CIB2: variants seen among roughly 807,000 people sequenced by gnomAD.
The protein encoded by CIB2 is calcium and integrin binding family member 2, also known as calcium and integrin-binding family member 2.
CIB2 carries 19 observed loss-of-function variants against 23.1 expected under a neutral mutation model. The observed-to-expected ratio is 0.82, with a 90% confidence interval of 0.57 to 1.21. CIB2 has a LOEUF of 1.21. Among genes scored for constraint, CIB2 ranks in the 50% most tolerant of loss-of-function variants. The probability of loss-of-function intolerance (pLI) is 0.00; values close to 1 mark genes in which losing one functional copy is unlikely to be tolerated. For synonymous variants in CIB2, 94 were observed against 91.7 expected, an observed-to-expected ratio of 1.03 and a Z score of -0.14; for missense variants, 220 against 241.5, an observed-to-expected ratio of 0.91 and a Z score of 0.59.
intron 4 of CIB2, 80 bp from the exon 5 acceptor site, chr15:78,106,014 C>T (rs1220347793): frequency 1.6e-5 from 18 of 1,154,080 alleles, no homozygotes; most frequent in Non-Finnish European, 2.3e-5. Context: ...TTCCTCCTAG[C>T]TGGCCCCACT....
At chr15:78,108,940 G>A (rs1486505761) in intron 4 of CIB2, among the ~76,000 whole-genome samples, 1 of 150,500 alleles carries the variant, frequency 6.6e-6, no homozygotes, top group African/African-American at 2.5e-5. Flanking sequence ...CTCTTCTCCA[G>A]TCCAAGCCTC....
At chr15:78,110,759 A>G (rs1354548784) in intron 3 of CIB2, 3 of 457,208 alleles carry the variant, frequency 6.6e-6, no homozygotes, top group Non-Finnish European at 1.3e-5. Context: ...TTAAATTTTA[A>G]CAGGTACGTT....
At position 78,105,018 on chromosome 15, in the gene CIB2, T is replaced by C; in HGVS notation, c.*293A>G. ...ATCTGCTTTTCCCTCTTTGGGGGGG[T>C]GGGGAGCATTTCTGGAGTAGGAAAG... On this transcript the variant is annotated 3_prime_UTR_variant, in exon 6 of 6. Transcript: ENST00000258930. The C allele has an allele frequency of 2.6e-6, 1 of 387,082 alleles. No homozygotes were observed. 24.0% of individuals were successfully genotyped at this position (387,082 alleles called of 1,614,324 possible). A position where few individuals can be genotyped will look rare whatever the true frequency, so the allele number is the denominator to read the frequency against.
chr15:78,110,841 G>C (rs1338085739), intron 3 of CIB2: 1 of 476,850 alleles, frequency 2.1e-6, no homozygotes, highest in African/African-American at 2.0e-5. Flanking sequence ...AGACAACGGG[G>C]AGACAGAAAA....
At position 78,119,504 on chromosome 15, in the gene CIB2, G is replaced by A. The variant is rs562388144; in HGVS notation, c.86+4201C>T. Reference sequence around the variant, plus strand: ...TAAGTGTTTGAGGATCCATCATACTGTTTTCTTTAGCTTTCTTATCTACTT... The same window carrying A: ...TAAGTGTTTGAGGATCCATCATACTATTTTCTTTAGCTTTCTTATCTACTT... On this transcript the variant is annotated intron_variant, in intron 2 of 5. Transcript: ENST00000258930. Among the ~76,000 whole-genome samples the A allele has an allele frequency of 2.8e-4, 42 of 152,034 alleles. No individual in the cohort carries two copies. In the South Asian group the frequency reaches 6.4e-3, roughly 23 times the overall value.
chr15:78,114,775 C>CAA (rs781254176), intron 2 of CIB2, among the ~76,000 whole-genome samples: 56 of 66,886 alleles, frequency 8.4e-4, no homozygotes, highest in African/African-American at 2.0e-3. Context: ...CATGTCTCTA[C>CAA]AAAAAAAAAA....
intron 1 of CIB2, among the ~76,000 whole-genome samples, chr15:78,124,737 G>A (rs2074360959): frequency 6.6e-6 from 1 of 152,144 alleles, no homozygotes. Flanking sequence ...GAGCCCATAG[G>A]GCCTCCTGGG....
At position 78,131,051 on chromosome 15, in the gene CIB2, C is replaced by G; in HGVS notation, c.51+114G>C. On this transcript the variant is annotated intron_variant, in intron 1 of 5. Coordinates refer to ENST00000258930, the MANE Select transcript of CIB2 (RefSeq NM_006383.4). This position sits in a 1 kb window ranked among gnomAD's most constrained non-coding sequence, Gnocchi z 5.8. ...TCACGCGTCGAGCTGAAGGCAGAGG[C>G]AGGGTTTGAACCTGGGAGAGCTGGC... 1.2e-6 allele frequency: 1 copy of G among 856,144 alleles called. No homozygotes were observed. Among genetic ancestry groups the G allele is most frequent in the Non-Finnish European group, 1.7e-6 (1 of 587,060 alleles). 53.0% of individuals were successfully genotyped at this position (856,144 alleles called of 1,614,324 possible).
chr15:78,117,195 G>A (rs547257235), intron 2 of CIB2, among the ~76,000 whole-genome samples: 1 of 128,870 alleles, frequency 7.8e-6, no homozygotes, highest in Non-Finnish European at 1.5e-5. Context: ...TTGGGATCTA[G>A]CCAGCCCAAT....
chr15:78,124,326 G>A lies in CIB2; in HGVS notation c.52-587C>T, dbSNP rs1041243268. On this transcript the variant is annotated intron_variant, in intron 1 of 5. Coordinates refer to ENST00000258930, the MANE Select transcript of CIB2 (RefSeq NM_006383.4). ...GAAGAGGCCAGGGAGATATGGGAGG[G>A]AGAAACGTGGGCAGGGGGAACCAGG... Among the ~76,000 whole-genome samples, 7 of 152,126 alleles carry A rather than the reference G, an allele frequency of 4.6e-5. No individual in the cohort carries two copies. In the South Asian group the frequency reaches 8.3e-4, roughly 18 times the overall value.
chr15:78,107,876 A>C (rs996048758), intron 4 of CIB2, among the ~76,000 whole-genome samples: 1 of 152,216 alleles, frequency 6.6e-6, no homozygotes, highest in Non-Finnish European at 1.5e-5. Flanking sequence ...TGATAACTAG[A>C]AAGTGAAACG....
At chr15:78,117,384 A>G (rs961304730) in intron 2 of CIB2, among the ~76,000 whole-genome samples, 3 of 152,090 alleles carry the variant, frequency 2.0e-5, no homozygotes, top group African/African-American at 7.2e-5. Flanking sequence ...TAAAGCTATA[A>G]TAAGGACAAT....
At chr15:78,109,197 C>A in intron 4 of CIB2, 38 bp downstream of exon 4, 6 of 1,273,614 alleles carry the variant, frequency 4.7e-6, no homozygotes, top group South Asian at 1.3e-5. Flanking sequence ...CATGTTCCCC[C>A]ACCGCATATT....
intron 2 of CIB2, among the ~76,000 whole-genome samples, chr15:78,113,877 C>A (rs1053874193): frequency 4.6e-5 from 7 of 152,150 alleles, no homozygotes; most frequent in Non-Finnish European, 7.3e-5. Flanking sequence ...TGCTACATTT[C>A]CCACTTGACC....
chr15:78,116,604 A>C (rs2074244467), intron 2 of CIB2, among the ~76,000 whole-genome samples: 1 of 152,210 alleles, frequency 6.6e-6, no homozygotes, highest in African/African-American at 2.4e-5. Context: ...CCCCACAGAT[A>C]CTGAGAGAGG....
intron 3 of CIB2, among the ~76,000 whole-genome samples, chr15:78,109,776 C>T (rs138172670): frequency 2.9e-3 from 419 of 143,736 alleles, no homozygotes; most frequent in African/African-American, 0.01. Flanking sequence ...CACTGCACTC[C>T]AGCCTGGGCG....
intron 4 of CIB2, 97 bp from the exon 5 acceptor site, chr15:78,106,031 A>G: frequency 2.1e-6 from 2 of 947,826 alleles, no homozygotes; most frequent in Admixed American, 4.0e-5. Context: ...CACTACCTCC[A>G]CCAGCTTCTG....
intron 1 of CIB2, among the ~76,000 whole-genome samples, chr15:78,126,845 G>A (rs2074387667): frequency 6.6e-6 from 1 of 152,168 alleles, no homozygotes; most frequent in Admixed American, 6.5e-5. Context: ...CTGTTCACTT[G>A]TTTCCCTGGG....
intron 4 of CIB2, among the ~76,000 whole-genome samples, chr15:78,106,753 G>A (rs925345351): frequency 3.9e-5 from 6 of 152,090 alleles, no homozygotes; most frequent in Non-Finnish European, 7.4e-5. Context: ...TCCCAGTGGC[G>A]GGGCTTTCTA....
Sources: gnomAD v4.1 joint callset for allele counts (sites outside exome capture counted in the v4.1 genomes callset) on GRCh38, gnomAD v4.1.1 for gene constraint, Gnocchi (gnomAD v3.1) non-coding constraint, MANE v1.5 for transcripts, NCBI Gene and HGNC (gene_info 2026-07-23, HGNC 2026-07-21) for gene names.